C2orf80: variants seen among roughly 807,000 people sequenced by gnomAD.
The protein encoded by C2orf80 is chromosome 2 open reading frame 80, also known as uncharacterized protein C2orf80.
In C2orf80, 28 loss-of-function variants were observed where a neutral mutation model predicts 30.2. The ratio of observed to expected loss-of-function variants is 0.93; its 90% confidence interval spans 0.69 to 1.27. C2orf80 has a LOEUF of 1.27. Ranked by LOEUF, C2orf80 falls within the 50% of genes most tolerant of loss-of-function variation. C2orf80 has a pLI of 0.00. For missense variants in C2orf80, 220 were observed against 231.0 expected (o/e 0.95, Z 0.31); for synonymous variants, 80 against 76.4 (o/e 1.05, Z -0.24).
chr2:208,189,766 A>C (rs1696821498), intron 1 of C2orf80, 187 bp downstream of exon 1: 1 of 604,866 alleles, frequency 1.7e-6, no homozygotes, highest in Non-Finnish European at 2.9e-6. Flanking sequence ...CTCAGGCTTT[A>C]GCTGTTTCAT....
chr2:208,176,972 T>TATCTGTATAC (rs1696357963), intron 6 of C2orf80, among the ~76,000 whole-genome samples: 1 of 48,484 alleles, frequency 2.1e-5, no homozygotes, highest in Non-Finnish European at 4.0e-5. Flanking sequence ...TATGTATACA[T>TATCTGTATAC]ATATACAGAA....
In C2orf80 at chr2:208,176,973, A is replaced by ATACAGATG. The variant is rs1559340668; in HGVS notation, c.366+3771_366+3772insCATCTGTA. ...CATATCTGTATACATATGTATACAT[A>ATACAGATG]TATACAGAAATGTATATGTATACAT... On this transcript the variant is annotated intron_variant, in intron 6 of 8. Coordinates refer to ENST00000341287, the MANE Select transcript of C2orf80 (RefSeq NM_001099334.3). 6.3e-4 allele frequency among the ~76,000 whole-genome samples: 58 copies of ATACAGATG among 92,260 alleles called. 9 individuals are homozygous for ATACAGATG. Among genetic ancestry groups the ATACAGATG allele is most frequent in the Middle Eastern group, 0.018 (2 of 110 alleles). The allele number at this position is 92,260 out of a possible 152,430, so 60.5% of individuals were successfully genotyped here. A position where few individuals can be genotyped will look rare whatever the true frequency, so the allele number is the denominator to read the frequency against.
At chr2:208,185,712 C>T (rs1696698531) in intron 2 of C2orf80, among the ~76,000 whole-genome samples, 1 of 152,156 alleles carries the variant, frequency 6.6e-6, no homozygotes, top group African/African-American at 2.4e-5. Flanking sequence ...CTCAATTTTA[C>T]ATAAGGTGGA....
intron 8 of C2orf80, 49 bp from the exon 9 acceptor site, chr2:208,165,864 G>A: frequency 7.8e-7 from 1 of 1,278,912 alleles, no homozygotes; most frequent in Non-Finnish European, 1.1e-6. Flanking sequence ...ATTTAACATG[G>A]ACACAGACAT....
chr2:208,184,713 T>G (rs116462382), intron 3 of C2orf80, among the ~76,000 whole-genome samples: 4,112 of 152,294 alleles, frequency 0.027, 113 homozygotes, highest in Non-Finnish European at 0.037. Context: ...ATTTTTAATC[T>G]TCTTTCCTAA....
intron 3 of C2orf80, among the ~76,000 whole-genome samples, chr2:208,183,328 AAGGAG>A (rs35789824): frequency 0.71 from 107,088 of 151,210 alleles, 38,732 homozygotes; most frequent in East Asian, 0.97. Flanking sequence ...TTGGAAAAGA[AAGGAG>A]AGATCAGTGA....
intron 4 of C2orf80, among the ~76,000 whole-genome samples, chr2:208,182,710 A>G (rs1368803960): frequency 6.6e-6 from 1 of 152,204 alleles, no homozygotes; most frequent in African/African-American, 2.4e-5. Flanking sequence ...CCCTTAAGAC[A>G]CAACATTCTG....
chr2:208,183,671 T>G (rs1696631633), intron 3 of C2orf80, among the ~76,000 whole-genome samples: 1 of 151,914 alleles, frequency 6.6e-6, no homozygotes, highest in Non-Finnish European at 1.5e-5. Flanking sequence ...GCTTGTGGGA[T>G]GAGAATGTCT....
intron 1 of C2orf80, among the ~76,000 whole-genome samples, chr2:208,188,292 A>T (rs1473605510): frequency 6.6e-6 from 1 of 152,232 alleles, no homozygotes; most frequent in South Asian, 2.1e-4. Flanking sequence ...TACTCTAAAG[A>T]TGATTGGAAA....
At chr2:208,177,351 G>C (rs1472206094) in intron 6 of C2orf80, among the ~76,000 whole-genome samples, 1 of 151,818 alleles carries the variant, frequency 6.6e-6, no homozygotes. Context: ...AGAACAGCCT[G>C]ACCAACATGG....
intron 1 of C2orf80, 90 bp from the exon 2 acceptor site, chr2:208,187,151 G>A (rs948737538): frequency 1.9e-5 from 12 of 625,076 alleles, no homozygotes; most frequent in Admixed American, 1.2e-4. Flanking sequence ...AGGGATCTGA[G>A]GGAGCACCTC....
intron 2 of C2orf80, among the ~76,000 whole-genome samples, chr2:208,185,589 A>C (rs1696694177): frequency 6.6e-6 from 1 of 152,214 alleles, no homozygotes; most frequent in African/African-American, 2.4e-5. Context: ...AGAAGGTAAA[A>C]TAAGCACCAT....
At chr2:208,182,911 C>T in intron 4 of C2orf80, 54 bp downstream of exon 4, 4 of 1,382,078 alleles carry the variant, frequency 2.9e-6, no homozygotes, top group Non-Finnish European at 3.1e-6. Flanking sequence ...CTTCCTCTAT[C>T]ATTAATCATA....
At chr2:208,173,063 G>A (rs190828919) in intron 6 of C2orf80, among the ~76,000 whole-genome samples, 553 of 143,974 alleles carry the variant, frequency 3.8e-3, no homozygotes, top group Middle Eastern at 7.9e-3. Flanking sequence ...AGGTTGCAGT[G>A]AGCCGAGATT....
At position 208,187,000 on chromosome 2, in the gene C2orf80, C is replaced by T; in HGVS notation, c.-14G>A. ...CCTTCTTTCCATGTTAAAGGCTTAG[C>T]CAGCTGAGCAGGTATCTGCAGCTAA... On this transcript the variant is annotated 5_prime_UTR_variant, in exon 2 of 9. It introduces an in-frame stop codon into an upstream open reading frame of the 5' UTR. Transcript: ENST00000341287. 3 of 1,613,920 alleles carry T rather than the reference C, an allele frequency of 1.9e-6. No homozygotes were observed. Among genetic ancestry groups the T allele is most frequent in the Non-Finnish European group, 2.5e-6 (3 of 1,179,814 alleles).
At chr2:208,175,800 C>T (rs1161733242) in intron 6 of C2orf80, among the ~76,000 whole-genome samples, 1 of 151,720 alleles carries the variant, frequency 6.6e-6, no homozygotes, top group Non-Finnish European at 1.5e-5. Flanking sequence ...TTCCAAAAGA[C>T]TCTTTTAAAA....
chr2:208,179,988 T>C (rs1228517016), intron 6 of C2orf80, among the ~76,000 whole-genome samples: 1 of 152,020 alleles, frequency 6.6e-6, no homozygotes, highest in African/African-American at 2.4e-5. Context: ...AATGTAGTAG[T>C]GTTGTGGGAA....
At chr2:208,184,030 G>T (rs1368359940) in intron 3 of C2orf80, among the ~76,000 whole-genome samples, 1 of 152,200 alleles carries the variant, frequency 6.6e-6, no homozygotes, top group African/African-American at 2.4e-5. Context: ...TTCTTCCAGG[G>T]ACTGAACCAA....
At chr2:208,189,882 G>A (rs1009633317) in intron 1 of C2orf80, 71 bp downstream of exon 1, 12 of 699,180 alleles carry the variant, frequency 1.7e-5, no homozygotes, top group African/African-American at 3.5e-5. Flanking sequence ...ACCTGCAATC[G>A]TGGTACAGGT....
Sources: gnomAD v4.1 joint callset for allele counts (sites outside exome capture counted in the v4.1 genomes callset) on GRCh38, gnomAD v4.1.1 for gene constraint, MANE v1.5 for transcripts, NCBI Gene and HGNC (gene_info 2026-07-23, HGNC 2026-07-21) for gene names.